The following PAQR3 variants were observed in gnomAD, a reference collection of about 807,000 sequenced individuals.
PAQR3 encodes the protein progestin and adipoQ receptor family member 3, also known as Raf kinase trapping to Golgi.
A neutral mutation model predicts 41.7 loss-of-function variants in PAQR3; 39 were observed. The observed-to-expected ratio is 0.93, with a 90% CI of 0.72 to 1.22. The LOEUF is 1.22. PAQR3 is among the 50% of genes most tolerant of loss of function. The probability of loss-of-function intolerance (pLI) is 0.00; values close to 1 mark genes in which losing one functional copy is unlikely to be tolerated. For synonymous variants in PAQR3, 140 were observed against 140.6 expected, an observed-to-expected ratio of 1.00 and a Z score of 0.03; for missense variants, 366 against 385.6, an observed-to-expected ratio of 0.95 and a Z score of 0.42.
chr4:78,895,283 C>T (rs908179612), intron 11 of PAQR3, among the ~76,000 whole-genome samples: 8 of 152,126 alleles, frequency 5.3e-5, no homozygotes, highest in African/African-American at 1.9e-4. Flanking sequence ...CAAAAACGTA[C>T]ACCTGTATTT....
chr4:78,896,412 T>C (rs1228292051), intron 11 of PAQR3, among the ~76,000 whole-genome samples: 2 of 152,236 alleles, frequency 1.3e-5, no homozygotes, highest in Admixed American at 6.5e-5. Flanking sequence ...TTAAAGTCTA[T>C]TGATAGCATT....
At chr4:78,890,191 C>T (rs984489687) in intron 11 of PAQR3, among the ~76,000 whole-genome samples, 2 of 152,030 alleles carry the variant, frequency 1.3e-5, no homozygotes, top group Admixed American at 6.6e-5. Flanking sequence ...AAAATCACTT[C>T]CTTTCCTGTT....
chr4:78,916,873 T>A lies in PAQR3; in HGVS notation c.*3666A>T, dbSNP rs1173260178. The A allele has an allele frequency of 6.6e-6, 1 of 151,672 alleles. No individual in the cohort carries two copies. Among genetic ancestry groups the A allele is most frequent in the African/African-American group, 2.4e-5 (1 of 41,328 alleles). The allele number at this position is 151,672 out of a possible 1,614,324, so 9.4% of individuals were successfully genotyped here. A position where few individuals can be genotyped will look rare whatever the true frequency, so the allele number is the denominator to read the frequency against. ...GATGGACTAAGCTTGGCATCAAGGTTATAATATGTATTATTCCAAAAACTG... is the reference window on the plus strand; with the variant it reads ...GATGGACTAAGCTTGGCATCAAGGTAATAATATGTATTATTCCAAAAACTG... On this transcript the variant is annotated 3_prime_UTR_variant, in exon 6 of 6. Coordinates refer to ENST00000512733, the MANE Select transcript of PAQR3 (RefSeq NM_001040202.2).
chr4:78,912,190 A>G lies in PAQR3; in HGVS notation c.*8349T>C. On this transcript the variant is annotated 3_prime_UTR_variant, in exon 6 of 6. Transcript: ENST00000512733. The stretch of plus-strand genomic sequence containing the variant: ...AATAAACCAAATAGAAGAATGAAGT[A>G]TCTCTACAGGGTAGTAACTTGATTC... The G allele has an allele frequency of 2.8e-6, 2 of 702,236 alleles. No homozygotes were observed. The highest frequency in any genetic ancestry group is 1.9e-5 in the South Asian group (1 of 51,986). The allele number at this position is 702,236 out of a possible 1,614,324, so 43.5% of individuals were successfully genotyped here. A position where few individuals can be genotyped will look rare whatever the true frequency, so the allele number is the denominator to read the frequency against.
At chr4:78,911,852 G>A (rs1734638231), downstream of PAQR3, 3 of 1,613,910 alleles carry the variant, frequency 1.9e-6, no homozygotes, top group Non-Finnish European at 2.5e-6. Flanking sequence ...CTGCCAGGGC[G>A]GCCAAGACAA....
downstream of PAQR3, chr4:78,887,097 TA>T (rs1733134238): frequency 2.0e-6 from 2 of 998,426 alleles, no homozygotes; most frequent in Non-Finnish European, 1.5e-6. Context: ...CTTTTATTTA[TA>T]TGTATATCAC....
intron 11 of PAQR3, among the ~76,000 whole-genome samples, chr4:78,903,951 G>A (rs909927449): frequency 6.6e-6 from 1 of 151,854 alleles, no homozygotes; most frequent in Non-Finnish European, 1.5e-5. Context: ...AGTTATTATG[G>A]CTTTGATATA....
chr4:78,935,876 A>C (rs527768613), intron 1 of PAQR3, among the ~76,000 whole-genome samples: 1 of 152,386 alleles, frequency 6.6e-6, no homozygotes, highest in South Asian at 2.1e-4. Flanking sequence ...GGCATGCCAG[A>C]ACAACTTTGC....
chr4:78,935,204 A>G lies in PAQR3; in HGVS notation c.265T>C (p.Tyr89His), dbSNP rs547453202. 5.0e-6 allele frequency: 8 copies of G among 1,613,850 alleles called. No individual in the cohort carries two copies. The African/African-American group carries it at 8.0e-5, about 16-fold the overall frequency. The change falls in exon 2 of 6, where the codon TAT becomes CAT. Residue 89 changes from tyrosine to histidine, a missense_variant. Tyr to His is a moderately conservative substitution (Grantham distance 83). Coordinates refer to ENST00000512733, the MANE Select transcript of PAQR3 (RefSeq NM_001040202.2). ...GAAGGTAACACAGATGTCATGTCATATATTCCCAGGGTGAAGAAGAGAAAG... is the reference window on the plus strand; with the variant it reads ...GAAGGTAACACAGATGTCATGTCATGTATTCCCAGGGTGAAGAAGAGAAAG... ...GFFLFFTLGI[Y>H]DMTSVLPSAS...
chr4:78,915,166 C>T lies in PAQR3; in HGVS notation c.*5373G>A, dbSNP rs2291181. The T allele has an allele frequency of 0.075, 11,463 of 151,924 alleles. 543 individuals carry two copies. Among genetic ancestry groups the T allele is most frequent in the East Asian group, 0.21 (1,108 of 5,164 alleles). 9.4% of individuals were successfully genotyped at this position (151,924 alleles called of 1,614,324 possible). A position where few individuals can be genotyped will look rare whatever the true frequency, so the allele number is the denominator to read the frequency against. On this transcript the variant is annotated 3_prime_UTR_variant, in exon 6 of 6. Transcript: ENST00000512733. Reference sequence around the variant, plus strand: ...CCTGTGTACGTGTTGGGTATAGTTACGACATTATCCGGATTTGCAAATAGA... The same window carrying T: ...CCTGTGTACGTGTTGGGTATAGTTATGACATTATCCGGATTTGCAAATAGA...
At chr4:78,898,133 A>G (rs1577972279) in intron 11 of PAQR3, among the ~76,000 whole-genome samples, 3 of 152,180 alleles carry the variant, frequency 2.0e-5, no homozygotes, top group African/African-American at 7.2e-5. Context: ...TTCTAAGACA[A>G]TTCAGTATGT....
At chr4:78,896,308 T>C (rs1336521812) in intron 11 of PAQR3, among the ~76,000 whole-genome samples, 1 of 152,184 alleles carries the variant, frequency 6.6e-6, no homozygotes, top group Non-Finnish European at 1.5e-5. Context: ...AGCATGTGTA[T>C]TGAAAAAGTA....
Position 78,920,589 on chromosome 4 carries a change from T to C in PAQR3, c.886A>G (p.Met296Val). The C allele has an allele frequency of 1.2e-6, 2 of 1,611,972 alleles. No homozygotes were observed. The highest frequency in any genetic ancestry group is 1.7e-6 in the Non-Finnish European group (2 of 1,178,612). Residue 296 changes from methionine (M) to valine (V), a missense_variant, in exon 6 of 6, where the codon ATG (methionine) becomes GTG (valine). Met to Val is a conservative substitution (Grantham distance 21). Transcript: ENST00000512733. ...YWWHQSTVYV[M>V]QYRHSKPCPD... The stretch of plus-strand genomic sequence containing the variant: ...CAAGGCTTGCTATGTCTGTACTGCA[T>C]GACATACACTGTTGACTGATGCCAC...
downstream of PAQR3, among the ~76,000 whole-genome samples, chr4:78,910,159 C>A (rs191831821): frequency 3.5e-4 from 53 of 152,228 alleles, no homozygotes; most frequent in Non-Finnish European, 1.5e-5. Context: ...GAAACAAATA[C>A]GTAACTGAGC....
Position 78,919,261 on chromosome 4 carries a change from A to C in PAQR3, c.*1278T>G. The C allele has an allele frequency of 1.0e-6, 1 of 984,398 alleles. No individual in the cohort carries two copies. Among genetic ancestry groups the C allele is most frequent in the Non-Finnish European group, 1.2e-6 (1 of 829,110 alleles). The allele number at this position is 984,398 out of a possible 1,614,324, so 61.0% of individuals were successfully genotyped here. ...AATACACCAGTATTTAAAACAGCTC[A>C]TGTCAACTCATGAAGAAACTTGGGT... On this transcript the variant is annotated 3_prime_UTR_variant, in exon 6 of 6. Transcript: ENST00000512733.
rs1342454675 is a variant in PAQR3, at chr4:78,918,204, CTT to C, written c.*2333_*2334del. On this transcript the variant is annotated 3_prime_UTR_variant, in exon 6 of 6. Coordinates refer to ENST00000512733, the MANE Select transcript of PAQR3 (RefSeq NM_001040202.2). ...ACACATTGGTAAAATTAAAACCAGT[CTT>C]TTTTAGTAATAAAACTGGATAGTAT... 1 of 930,180 alleles carries C rather than the reference CTT, an allele frequency of 1.1e-6. No homozygotes were observed. Among genetic ancestry groups the C allele is most frequent in the African/African-American group, 1.8e-5 (1 of 54,164 alleles). The allele number at this position is 930,180 out of a possible 1,614,324, so 57.6% of individuals were successfully genotyped here.
rs150501146 is a variant in PAQR3, at chr4:78,939,135, C to T, written c.90G>A (p.Leu30=). 2.4e-4 allele frequency: 383 copies of T among 1,613,854 alleles called. 1 individual carries two copies. Among genetic ancestry groups the T allele is most frequent in the Middle Eastern group, 2.1e-3 (13 of 6,062 alleles). The change falls in exon 1 of 6, where the codon CTG becomes CTA. Residue 30 remains leucine (L), a synonymous_variant. Transcript: ENST00000512733. ...WPVLVPRGIR[L]YTYEQIPGSL... ...ACCCGGGGATCTGCTCGTAGGTGTA[C>T]AGGCGGATGCCACGGGGCACCAGGA... is the stretch of plus-strand genomic sequence containing the variant.
intron 11 of PAQR3, among the ~76,000 whole-genome samples, chr4:78,899,741 T>C (rs966870005): frequency 6.6e-6 from 1 of 152,240 alleles, no homozygotes; most frequent in South Asian, 2.1e-4. Flanking sequence ...AATAGTCCAT[T>C]AGATTTAGCA....
downstream of PAQR3, among the ~76,000 whole-genome samples, chr4:78,907,304 A>C (rs1353088684): frequency 6.6e-6 from 1 of 152,214 alleles, no homozygotes; most frequent in Non-Finnish European, 1.5e-5. Flanking sequence ...AATGAGAAGT[A>C]TAAAGTGACA....
Sources: allele counts gnomAD v4.1 joint callset (sites outside exome capture counted in the v4.1 genomes callset), GRCh38; gene constraint gnomAD v4.1.1; transcripts MANE v1.5; gene names NCBI Gene and HGNC (gene_info 2026-07-23, HGNC 2026-07-21).